POLR3C: variants seen among roughly 807,000 people sequenced by gnomAD.
POLR3C encodes RNA polymerase III subunit C, also known as DNA-directed RNA polymerase III subunit RPC3.
In POLR3C, 44 loss-of-function variants were observed where a neutral mutation model predicts 65.9. The observed-to-expected ratio is 0.67, with a 90% confidence interval of 0.52 to 0.86. The LOEUF is 0.86. Among genes scored for constraint, POLR3C ranks in the 40% least tolerant of loss-of-function variants. POLR3C has a pLI of 0.00. For synonymous variants in POLR3C, 263 were observed against 231.6 expected (o/e 1.14, Z -1.23); for missense variants, 576 against 653.2 (o/e 0.88, Z 1.29).
rs1347105401 is a variant in POLR3C, at chr1:145,844,121, AAAAAC to A, written c.*1703_*1707del. Among the ~76,000 whole-genome samples, 2 of 152,210 alleles carry A rather than the reference AAAAAC, an allele frequency of 1.3e-5. No individual in the cohort carries two copies. Among genetic ancestry groups the A allele is most frequent in the Non-Finnish European group, 2.9e-5 (2 of 68,030 alleles). ...GACTACAGAGGTTCCTCAAAAAACT[AAAAAC>A]AGAACTATGCTCCAGCAGTTCCACT... On this transcript the variant is annotated 3_prime_UTR_variant, in exon 15 of 15. Transcript: ENST00000334163.
chr1:145,836,794 A>G, intron 8 of POLR3C, 21 bp from the exon 9 acceptor site: 1 of 1,528,024 alleles, frequency 6.5e-7, no homozygotes, highest in Non-Finnish European at 9.1e-7. Context: ...TTCAGTTAAC[A>G]CTCTCTCTTT....
chr1:145,842,276 C>A, intron 14 of POLR3C, 63 bp from the exon 15 acceptor site: 1 of 1,010,896 alleles, frequency 9.9e-7, no homozygotes, highest in South Asian at 1.4e-5. Context: ...CCCACCCTAA[C>A]CTCTAATCTT....
chr1:145,831,549 G>C lies in POLR3C; in HGVS notation c.679-1711G>C, dbSNP rs587765361. Among the ~76,000 whole-genome samples the C allele has an allele frequency of 6.7e-5, 10 of 150,366 alleles. No homozygotes were observed. In the East Asian group the frequency reaches 1.8e-3, roughly 26 times the overall value. On this transcript the variant is annotated intron_variant, in intron 5 of 14. Transcript: ENST00000334163. ...AAAAAAAAGAGAGAGTTCTAGGATAGAGTAACAGATTTGGAAATGCATCAA... is the reference window on the plus strand; with the variant it reads ...AAAAAAAAGAGAGAGTTCTAGGATACAGTAACAGATTTGGAAATGCATCAA...
intron 4 of POLR3C, among the ~76,000 whole-genome samples, chr1:145,828,124 T>C (rs1415136382): frequency 6.6e-6 from 1 of 152,008 alleles, no homozygotes; most frequent in Admixed American, 6.6e-5. Context: ...TGAAAGAATG[T>C]CAGTATAGCT....
intron 5 of POLR3C, 31 bp from the exon 6 acceptor site, chr1:145,833,229 A>C: frequency 7.5e-7 from 1 of 1,338,200 alleles, no homozygotes; most frequent in Non-Finnish European, 1.1e-6. Context: ...TTTACACTAT[A>C]GCTAAATGTT....
intron 14 of POLR3C, among the ~76,000 whole-genome samples, chr1:145,842,039 T>A (rs1341678471): frequency 6.6e-6 from 1 of 152,220 alleles, no homozygotes; most frequent in Non-Finnish European, 1.5e-5. Flanking sequence ...TTCTTGCTAT[T>A]TTAAAACACA....
intron 11 of POLR3C, among the ~76,000 whole-genome samples, chr1:145,838,720 C>A (rs1293270649): frequency 6.6e-6 from 1 of 151,952 alleles, no homozygotes; most frequent in African/African-American, 2.4e-5. Flanking sequence ...AAAAAAGAGG[C>A]AGAGCCAGGA....
At chr1:145,835,701 G>A (rs1553728396) in intron 7 of POLR3C, among the ~76,000 whole-genome samples, 1 of 151,866 alleles carries the variant, frequency 6.6e-6, no homozygotes, top group African/African-American at 2.4e-5. Context: ...ATCCTTCCGA[G>A]TAGCTGAGAT....
At chr1:145,825,493 C>T (rs973429394) in intron 1 of POLR3C, among the ~76,000 whole-genome samples, 7 of 152,134 alleles carry the variant, frequency 4.6e-5, no homozygotes, top group African/African-American at 1.4e-4. Context: ...ATGGGTATGG[C>T]ATCATTTATT....
At chr1:145,835,149 A>G in intron 7 of POLR3C, among the ~76,000 whole-genome samples, 1 of 150,466 alleles carries the variant, frequency 6.6e-6, no homozygotes, top group East Asian at 1.9e-4. Flanking sequence ...TATTTCAAAA[A>G]AAAAAAAAAA....
intron 1 of POLR3C, among the ~76,000 whole-genome samples, chr1:145,824,820 A>G (rs1650567465): frequency 6.6e-6 from 1 of 152,160 alleles, no homozygotes; most frequent in African/African-American, 2.4e-5. Context: ...TTTCGAAATT[A>G]TCATTTCCTT....
intron 2 of POLR3C, 101 bp from the exon 3 acceptor site, chr1:145,826,353 A>G (rs1423024703): frequency 8.3e-6 from 8 of 962,174 alleles, no homozygotes; most frequent in Admixed American, 2.0e-5. Flanking sequence ...TTATCTAGCC[A>G]TTTTCTGATG....
rs587655275 is a variant in POLR3C, at chr1:145,838,695, A to G, written c.1221+489A>G. ...GAGTGAGACTCTGTCTCAAAAAACA[A>G]AAAAAACAAAAAACAAAAAAGAGGC... is the stretch of plus-strand genomic sequence containing the variant. On this transcript the variant is annotated intron_variant, in intron 11 of 14. Transcript: ENST00000334163. Among the ~76,000 whole-genome samples the G allele has an allele frequency of 4.0e-5, 6 of 151,818 alleles. No individual in the cohort carries two copies. The East Asian group carries it at 1.2e-3, about 30-fold the overall frequency.
chr1:145,824,555 G>T, intron 1 of POLR3C, 186 bp downstream of exon 1: 1 of 1,286,302 alleles, frequency 7.8e-7, no homozygotes, highest in Non-Finnish European at 1.0e-6. Flanking sequence ...TAGGTCTCTG[G>T]TGATACTGAG....
intron 1 of POLR3C, 50 bp from the exon 2 acceptor site, chr1:145,825,707 T>C (rs1553725572): frequency 8.2e-7 from 1 of 1,220,482 alleles, no homozygotes; most frequent in South Asian, 1.4e-5. Context: ...GCAGCTCTGC[T>C]TCCAGCGTGA....
rs781982068 is a variant in POLR3C, at chr1:145,835,444, C to CA, written c.877-1035dup. Among the ~76,000 whole-genome samples the CA allele has an allele frequency of 4.9e-3, 509 of 103,990 alleles. 1 individual carries two copies. Among genetic ancestry groups the CA allele is most frequent in the South Asian group, 0.013 (43 of 3,284 alleles). 68.2% of individuals were successfully genotyped at this position (103,990 alleles called of 152,430 possible). ...TGGGAAACAGAGTGAGACTCTGTCT[C>CA]AAAAAAAAAAAAAAAGTTTGGTATA... On this transcript the variant is annotated intron_variant, in intron 7 of 14. Transcript: ENST00000334163.
At chr1:145,829,408 T>C (rs1350959228) in intron 5 of POLR3C, among the ~76,000 whole-genome samples, 1 of 152,234 alleles carries the variant, frequency 6.6e-6, no homozygotes, top group African/African-American at 2.4e-5. Context: ...GTTTCCAAAA[T>C]TACCTCAAAT....
intron 11 of POLR3C, chr1:145,839,457 C>G (rs1479697226): frequency 6.4e-6 from 1 of 156,354 alleles, no homozygotes; most frequent in Non-Finnish European, 1.4e-5. Flanking sequence ...AAGACTGGGC[C>G]GGGCACACCT....
At chr1:145,832,961 G>T (rs183088730) in intron 5 of POLR3C, among the ~76,000 whole-genome samples, 42 of 152,288 alleles carry the variant, frequency 2.8e-4, no homozygotes, top group Non-Finnish European at 5.3e-4. Context: ...GGCAGAGGTT[G>T]CAGTGAGCCG....
Sources: allele counts gnomAD v4.1 joint callset (sites outside exome capture counted in the v4.1 genomes callset), GRCh38; gene constraint gnomAD v4.1.1; transcripts MANE v1.5; gene names NCBI Gene and HGNC (gene_info 2026-07-23, HGNC 2026-07-21).